DCDC1: variants seen among roughly 807,000 people sequenced by gnomAD.
DCDC1 encodes the protein doublecortin domain containing 1.
In DCDC1, 200 loss-of-function variants were observed where a neutral mutation model predicts 178.3. The ratio of observed to expected loss-of-function variants is 1.12; its 90% CI spans 1.00 to 1.26. DCDC1 has a LOEUF of 1.26. DCDC1 is among the 50% of genes most tolerant of loss of function. DCDC1 has a pLI of 0.00. For missense variants in DCDC1, 1,983 were observed against 1,749.2 expected (o/e 1.13, Z -2.38); for synonymous variants, 690 against 604.8 (o/e 1.14, Z -2.07).
intron 27 of DCDC1, among the ~76,000 whole-genome samples, chr11:30,914,774 AC>A (rs1431694325): frequency 1.3e-5 from 2 of 152,268 alleles, no homozygotes; most frequent in African/African-American, 4.8e-5. Flanking sequence ...AGAATGTCTT[AC>A]AACAAATCTA....
At chr11:31,064,943 A>T (rs1956163402) in intron 19 of DCDC1, 76 bp downstream of exon 19, 6 of 629,258 alleles carry the variant, frequency 9.5e-6, no homozygotes, top group Admixed American at 8.4e-5. Flanking sequence ...CCTGAAAACA[A>T]CTTGAACATT....
At chr11:31,288,486 C>A (rs1175863386) in intron 7 of DCDC1, among the ~76,000 whole-genome samples, 1 of 151,772 alleles carries the variant, frequency 6.6e-6, no homozygotes, top group African/African-American at 2.4e-5. Context: ...TTTTGATGTT[C>A]TACTTATAAT....
chr11:31,205,201 C>A (rs1188514142), intron 9 of DCDC1, among the ~76,000 whole-genome samples: 4 of 152,164 alleles, frequency 2.6e-5, no homozygotes. Flanking sequence ...TAAATCCAGT[C>A]TGTTGCCTGT....
rs1331193765 is a variant in DCDC1, at chr11:30,888,092, GAAAGAA to G, written c.5082+4720_5082+4725del. On this transcript the variant is annotated intron_variant, in intron 36 of 38. Coordinates refer to ENST00000684477, the MANE Select transcript of DCDC1 (RefSeq NM_001387274.1). ...AGAGAGAGAGAGAGAGAGAAAGAAA[GAAAGAA>G]AAAGAAAGAAAGAAAGAAAGAAAGA... 8.0e-4 allele frequency among the ~76,000 whole-genome samples: 84 copies of G among 104,912 alleles called. 2 individuals are homozygous for G. The highest frequency in any genetic ancestry group is 1.4e-3 in the Admixed American group (12 of 8,744). 68.8% of individuals were successfully genotyped at this position (104,912 alleles called of 152,430 possible).
At chr11:31,075,267 C>G (rs1358072861) in intron 18 of DCDC1, among the ~76,000 whole-genome samples, 1 of 152,070 alleles carries the variant, frequency 6.6e-6, no homozygotes. Flanking sequence ...TGTATATATA[C>G]CACATTTTCT....
chr11:30,909,280 T>C (rs1945281750), intron 28 of DCDC1, among the ~76,000 whole-genome samples, 164 bp from the exon 29 acceptor site: 1 of 152,170 alleles, frequency 6.6e-6, no homozygotes, highest in South Asian at 2.1e-4. Context: ...TGCAATCTTT[T>C]ATATGTTTAT....
At chr11:31,009,464 G>T (rs291195) in intron 20 of DCDC1, among the ~76,000 whole-genome samples, 104 of 151,870 alleles carry the variant, frequency 6.8e-4, no homozygotes, top group African/African-American at 2.3e-3. Flanking sequence ...GTGTGTGTGT[G>T]TGTGTGTGTA....
intron 34 of DCDC1, among the ~76,000 whole-genome samples, chr11:30,898,113 T>C (rs1412461721): frequency 6.6e-6 from 1 of 152,060 alleles, no homozygotes; most frequent in African/African-American, 2.4e-5. Context: ...GTATGAAGTG[T>C]AGTGGGCAAG....
chr11:31,224,553 C>G (rs1212205170), intron 9 of DCDC1, among the ~76,000 whole-genome samples: 2 of 152,032 alleles, frequency 1.3e-5, no homozygotes, highest in Non-Finnish European at 1.5e-5. Flanking sequence ...AAGAAACTAT[C>G]AGCAGAGTAA....
At chr11:30,923,385 T>C (rs1446768138) in intron 23 of DCDC1, among the ~76,000 whole-genome samples, 1 of 146,560 alleles carries the variant, frequency 6.8e-6, no homozygotes, top group Non-Finnish European at 1.5e-5. Context: ...TTATGGATAA[T>C]ACTTTTCCTC....
intron 10 of DCDC1, among the ~76,000 whole-genome samples, chr11:31,129,705 CCA>C (rs1962175797): frequency 6.6e-6 from 1 of 152,054 alleles, no homozygotes; most frequent in African/African-American, 2.4e-5. Context: ...ATCCCCCTCC[CCA>C]GTTTGGATTA....
At chr11:30,943,191 T>C (rs560638245) in intron 21 of DCDC1, 1 of 144,784 alleles carries the variant, frequency 6.9e-6, no homozygotes, top group Admixed American at 7.0e-5. Context: ...ATCATTCTTC[T>C]TTTTTTTTTT....
At chr11:30,951,465 C>T (rs1948417426) in intron 21 of DCDC1, among the ~76,000 whole-genome samples, 1 of 151,958 alleles carries the variant, frequency 6.6e-6, no homozygotes, top group Non-Finnish European at 1.5e-5. Context: ...AAGAAAGTAG[C>T]CCAGGTGGAA....
intron 1 of DCDC1, among the ~76,000 whole-genome samples, chr11:31,354,572 C>G (rs1951235895): frequency 6.6e-6 from 1 of 152,132 alleles, no homozygotes; most frequent in Admixed American, 6.5e-5. Context: ...ACAGAAGAGC[C>G]AAACATGCCA....
chr11:31,030,844 A>G (rs994767575), intron 20 of DCDC1, among the ~76,000 whole-genome samples: 4 of 133,446 alleles, frequency 3.0e-5, no homozygotes, highest in Non-Finnish European at 6.4e-5. Context: ...AGAGAATTGT[A>G]TATTTCCCAG....
Position 31,307,922 on chromosome 11 carries a change from T to A in DCDC1, c.165-14A>T. ...GACATAAACTCTCTGGAAGAAACAATGCATGGAAGAATACAATTAATTGAT... is the reference window on the plus strand; with the variant it reads ...GACATAAACTCTCTGGAAGAAACAAAGCATGGAAGAATACAATTAATTGAT... On this transcript the variant is annotated splice_polypyrimidine_tract_variant and intron_variant, in intron 3 of 38. Coordinates refer to ENST00000684477, the MANE Select transcript of DCDC1 (RefSeq NM_001387274.1). The A allele has an allele frequency of 1.2e-6, 2 of 1,612,972 alleles. No homozygotes were observed. Among genetic ancestry groups the A allele is most frequent in the Non-Finnish European group, 1.7e-6 (2 of 1,179,300 alleles).
intron 20 of DCDC1, among the ~76,000 whole-genome samples, chr11:30,967,491 C>T (rs1040009836): frequency 3.3e-5 from 5 of 152,158 alleles, no homozygotes; most frequent in African/African-American, 1.2e-4. Flanking sequence ...ACAAAAATCA[C>T]AAGCATTCTT....
At chr11:30,917,149 C>T in intron 25 of DCDC1, 121 bp from the exon 26 acceptor site, 1 of 937,844 alleles carries the variant, frequency 1.1e-6, no homozygotes, top group Non-Finnish European at 1.5e-6. Flanking sequence ...AATCTTATTT[C>T]CATAAGGGTG....
At chr11:31,039,262 A>C (rs181147352) in intron 20 of DCDC1, among the ~76,000 whole-genome samples, 168 of 152,296 alleles carry the variant, frequency 1.1e-3, no homozygotes, top group African/African-American at 3.8e-3. Context: ...GAAATGAAAA[A>C]CAGTCAAAGG....
Sources: allele counts gnomAD v4.1 joint callset (sites outside exome capture counted in the v4.1 genomes callset), GRCh38; gene constraint gnomAD v4.1.1; transcripts MANE v1.5; gene names NCBI Gene and HGNC (gene_info 2026-07-23, HGNC 2026-07-21).